Variants in MRC1 observed in about 807,000 individuals in gnomAD.
The protein encoded by MRC1 is mannose receptor C-type 1.
A neutral mutation model predicts 102.9 loss-of-function variants in MRC1; 62 were observed. That is an observed-to-expected ratio of 0.60 (90% confidence interval 0.49 to 0.74). MRC1 has a LOEUF of 0.74. MRC1 is among the 30% of genes least tolerant of loss of function. MRC1 has a pLI of 0.00. For synonymous variants in MRC1, 457 were observed against 298.4 expected (o/e 1.53, Z -5.48); for missense variants, 1,237 against 862.8 (o/e 1.43, Z -5.43).
At chr10:17,822,247 A>G (rs1456553707) in intron 1 of MRC1, among the ~76,000 whole-genome samples, 1 of 152,226 alleles carries the variant, frequency 6.6e-6, no homozygotes, top group African/African-American at 2.4e-5. Context: ...TAAAACTTAC[A>G]TTGATTTTTC....
intron 22 of MRC1, among the ~76,000 whole-genome samples, chr10:17,890,632 A>G (rs982526243): frequency 2.6e-5 from 4 of 152,142 alleles, no homozygotes; most frequent in Admixed American, 6.5e-5. Flanking sequence ...TGATAATTCC[A>G]CTGTCTTTGT....
intron 12 of MRC1, among the ~76,000 whole-genome samples, chr10:17,869,630 C>A (rs1269045687): frequency 6.6e-6 from 1 of 152,124 alleles, no homozygotes; most frequent in Non-Finnish European, 1.5e-5. Flanking sequence ...ATCATATAAT[C>A]TTTTAAATTT....
At position 17,840,738 on chromosome 10, in the gene MRC1, G is replaced by A. The variant is rs1316257502; in HGVS notation, c.848G>A (p.Ser283Asn). Residue 283 changes from serine (S) to asparagine (N), a missense_variant, in exon 5 of 30, where the codon AGT (serine) becomes AAT (asparagine). By Grantham distance (46) the Ser-to-Asn change is conservative (BLOSUM62 1). Coordinates refer to ENST00000569591, the MANE Select transcript of MRC1 (RefSeq NM_002438.4). ...LTSGLWIGLN[S>N]LSFNSGWQWS... ...TCAGGACTCTGGATTGGACTTAACAGTCTGAGCTTCAACAGCGGTTGGCAG... is the reference window on the plus strand; with the variant it reads ...TCAGGACTCTGGATTGGACTTAACAATCTGAGCTTCAACAGCGGTTGGCAG... 1 of 780,844 alleles carries A rather than the reference G, an allele frequency of 1.3e-6. No individual in the cohort carries two copies. The highest frequency in any genetic ancestry group is 1.7e-5 in the Admixed American group (1 of 59,028). The allele number at this position is 780,844 out of a possible 1,614,324, so 48.4% of individuals were successfully genotyped here.
At chr10:17,853,600 GTA>G (rs1215208967) in intron 8 of MRC1, among the ~76,000 whole-genome samples, 6,790 of 127,256 alleles carry the variant, frequency 0.053, 364 homozygotes, top group African/African-American at 0.14. Context: ...GTGTGTGTGT[GTA>G]TATATATATA....
chr10:17,906,282 G>A (rs1755498607), intron 26 of MRC1, among the ~76,000 whole-genome samples: 1 of 149,660 alleles, frequency 6.7e-6, no homozygotes, highest in Admixed American at 6.7e-5. Context: ...CTTCTGCAAC[G>A]AGACCTAACC....
At chr10:17,882,608 A>G (rs1833535516) in intron 21 of MRC1, among the ~76,000 whole-genome samples, 1 of 152,202 alleles carries the variant, frequency 6.6e-6, no homozygotes. Context: ...CACTAGAAAC[A>G]TGTAGGGTGC....
chr10:17,899,927 C>T (rs1330584229), intron 24 of MRC1, among the ~76,000 whole-genome samples: 6 of 151,568 alleles, frequency 4.0e-5, no homozygotes, highest in Non-Finnish European at 7.4e-5. Context: ...GGTGAAAACC[C>T]GTCTCTACTA....
In MRC1 at chr10:17,870,380, G is replaced by C; in HGVS notation, c.2111+7G>C. 1.3e-6 allele frequency: 1 copy of C among 780,086 alleles called. No homozygotes were observed. The highest frequency in any genetic ancestry group is 1.3e-5 in the South Asian group (1 of 74,598). 48.3% of individuals were successfully genotyped at this position (780,086 alleles called of 1,614,324 possible). On this transcript the variant is annotated splice_region_variant and intron_variant, in intron 13 of 29. Coordinates refer to ENST00000569591, the MANE Select transcript of MRC1 (RefSeq NM_002438.4). ...CAATATGGCGATTAATAACGTAAGT[G>C]GTATTTTTATGGATTCCTCCTTTTT...
intron 5 of MRC1, among the ~76,000 whole-genome samples, chr10:17,844,277 G>T (rs1838793123): frequency 6.6e-6 from 1 of 152,090 alleles, no homozygotes; most frequent in Admixed American, 6.6e-5. Context: ...GGAGTGCAGT[G>T]GTGTGATCTC....
At chr10:17,906,579 T>C (rs1266131597) in intron 26 of MRC1, among the ~76,000 whole-genome samples, 2 of 152,192 alleles carry the variant, frequency 1.3e-5, no homozygotes, top group Non-Finnish European at 2.9e-5. Flanking sequence ...TAATATTTCT[T>C]TGTACTCTTG....
chr10:17,845,180 A>G (rs1838807397), intron 5 of MRC1, 109 bp from the exon 6 acceptor site: 2 of 779,918 alleles, frequency 2.6e-6, no homozygotes, highest in African/African-American at 1.7e-5. Context: ...AAAAGACAGA[A>G]TGGTGGTCCA....
intron 1 of MRC1, among the ~76,000 whole-genome samples, chr10:17,811,790 T>C (rs1838227478): frequency 6.6e-6 from 1 of 152,136 alleles, no homozygotes; most frequent in African/African-American, 2.4e-5. Context: ...TCTCACTATC[T>C]TGCTCAGGCC....
At chr10:17,883,973 T>C (rs1315126635) in intron 21 of MRC1, among the ~76,000 whole-genome samples, 1 of 152,156 alleles carries the variant, frequency 6.6e-6, no homozygotes, top group East Asian at 1.9e-4. Context: ...TTATTACTAA[T>C]TGATTTGTGT....
At chr10:17,832,532 G>T in intron 3 of MRC1, among the ~76,000 whole-genome samples, 1 of 148,874 alleles carries the variant, frequency 6.7e-6, no homozygotes, top group Non-Finnish European at 1.5e-5. Flanking sequence ...TCCAGCCTGG[G>T]CGACAGAGCG....
intron 17 of MRC1, among the ~76,000 whole-genome samples, chr10:17,875,781 AG>A (rs1833428299): frequency 2.6e-5 from 4 of 152,202 alleles, no homozygotes; most frequent in Admixed American, 2.6e-4. Flanking sequence ...GTAGATACCC[AG>A]TAGTGGGATT....
At chr10:17,851,872 A>G (rs1838922683) in intron 7 of MRC1, among the ~76,000 whole-genome samples, 1 of 152,344 alleles carries the variant, frequency 6.6e-6, no homozygotes, top group East Asian at 1.9e-4. Flanking sequence ...TTGAATGACA[A>G]CTTTCAGGAG....
intron 3 of MRC1, among the ~76,000 whole-genome samples, chr10:17,830,153 A>T (rs1297364840): frequency 1.3e-5 from 2 of 151,066 alleles, no homozygotes; most frequent in Non-Finnish European, 2.9e-5. Context: ...TATTTTTGAG[A>T]CAGGGTCTCA....
chr10:17,867,364 CCTTCTTCTTCTT>C (rs782794499), intron 12 of MRC1, among the ~76,000 whole-genome samples: 1 of 141,254 alleles, frequency 7.1e-6, no homozygotes, highest in Non-Finnish European at 1.5e-5. Context: ...TTCTCCTTCT[CCTTCTTCTTCTT>C]CTTCTTCTTC....
In MRC1 at chr10:17,875,177, G is replaced by T; in HGVS notation, c.2474G>T (p.Arg825Leu). 1 of 780,850 alleles carries T rather than the reference G, an allele frequency of 1.3e-6. No individual in the cohort carries two copies. Among genetic ancestry groups the T allele is most frequent in the Non-Finnish European group, 2.4e-6 (1 of 417,952 alleles). 48.4% of individuals were successfully genotyped at this position (780,850 alleles called of 1,614,324 possible). Reference protein sequence around the residue: ...SKEKETMDNARAFCKRNFGDL... With the variant: ...SKEKETMDNALAFCKRNFGDL... ...GAGAAGGAAACCATGGACAATGCGCGAGCGTTTTGCAAGAGGAATTTTGGT... is the reference window on the plus strand; with the variant it reads ...GAGAAGGAAACCATGGACAATGCGCTAGCGTTTTGCAAGAGGAATTTTGGT... Residue 825 changes from arginine to leucine, a missense_variant, in exon 17 of 30, where the codon CGA becomes CTA. Arg to Leu is a moderately radical substitution (Grantham distance 102). Transcript: ENST00000569591.
Sources: allele counts gnomAD v4.1 joint callset (sites outside exome capture counted in the v4.1 genomes callset), GRCh38; gene constraint gnomAD v4.1.1; transcripts MANE v1.5; gene names NCBI Gene and HGNC (gene_info 2026-07-23, HGNC 2026-07-21).